Variants in COL14A1 observed in about 807,000 individuals in gnomAD.
COL14A1 encodes the protein collagen type XIV alpha 1 chain, also known as collagen alpha-1(XIV) chain.
A neutral mutation model predicts 230.3 loss-of-function variants in COL14A1; 136 were observed. That is an observed-to-expected ratio of 0.59 (90% CI 0.51 to 0.68). The LOEUF is 0.68. COL14A1 is among the 30% of genes least tolerant of loss of function. The probability of loss-of-function intolerance (pLI) is 0.00; values close to 1 mark genes in which losing one functional copy is unlikely to be tolerated. For missense variants in COL14A1, 1,976 were observed against 2,215.8 expected, an observed-to-expected ratio of 0.89 and a Z score of 2.17; for synonymous variants, 792 against 784.1, an observed-to-expected ratio of 1.01 and a Z score of -0.17.
chr8:120,258,471 T>G (rs1819225952), intron 23 of COL14A1, among the ~76,000 whole-genome samples: 3 of 152,248 alleles, frequency 2.0e-5, no homozygotes, highest in African/African-American at 7.2e-5. Flanking sequence ...TCCACCCCTG[T>G]ATCTGGTGGT....
chr8:120,364,660 A>G (rs574764656), intron 45 of COL14A1, among the ~76,000 whole-genome samples: 29 of 152,290 alleles, frequency 1.9e-4, no homozygotes, highest in African/African-American at 7.0e-4. Flanking sequence ...AGGTGGGCGG[A>G]TCATTTGAGG....
chr8:120,134,993 CA>C (rs1444924892), intron 1 of COL14A1, among the ~76,000 whole-genome samples: 5 of 151,952 alleles, frequency 3.3e-5, no homozygotes, highest in African/African-American at 1.2e-4. Flanking sequence ...AACAAACAAA[CA>C]AACAAAAAAC....
At chr8:120,160,822 A>G (rs1191880149) in intron 3 of COL14A1, among the ~76,000 whole-genome samples, 2 of 152,368 alleles carry the variant, frequency 1.3e-5, no homozygotes, top group South Asian at 4.1e-4. Context: ...AATAGCTATT[A>G]TATAGCTAAA....
chr8:120,267,676 A>G lies in COL14A1; in HGVS notation c.3073+793A>G, dbSNP rs1333807985. On this transcript the variant is annotated intron_variant, in intron 25 of 47. Transcript: ENST00000297848. ...GGTGTCAAGAGTGATCCAACTGCTT[A>G]ATGGATTTAGTGAACCATAAATGCT... Among the ~76,000 whole-genome samples, 10 of 151,928 alleles carry G rather than the reference A, an allele frequency of 6.6e-5. No homozygotes were observed. The Admixed American group carries it at 6.6e-4, about 10-fold the overall frequency.
intron 42 of COL14A1, among the ~76,000 whole-genome samples, chr8:120,335,882 G>A (rs1270223489): frequency 4.6e-5 from 7 of 152,176 alleles, no homozygotes; most frequent in Admixed American, 3.9e-4. Context: ...GTTCAGCCAG[G>A]TAGACAGGTC....
chr8:120,281,600 A>G (rs1171183042), intron 31 of COL14A1, among the ~76,000 whole-genome samples: 1 of 151,380 alleles, frequency 6.6e-6, no homozygotes, highest in Non-Finnish European at 1.5e-5. Flanking sequence ...CTTATATAGC[A>G]CTACTCCCAG....
At position 120,270,159 on chromosome 8, in the gene COL14A1, C is replaced by A; in HGVS notation, c.3198C>A (p.Gly1066=). The change falls in exon 26 of 48, where the codon GGC becomes GGA. Residue 1066 remains glycine (G), a synonymous_variant. Coordinates refer to ENST00000297848, the MANE Select transcript of COL14A1 (RefSeq NM_021110.4). ...CTGTTGGAGCCCTGAACAAGATTGGCACAGATGGAACCCAAGTAAGGCTAA... is the reference window on the plus strand; with the variant it reads ...CTGTTGGAGCCCTGAACAAGATTGGAACAGATGGAACCCAAGTAAGGCTAA... ...YSTVGALNKI[G]TDGTQVAMVQ... The A allele has an allele frequency of 6.2e-7, 1 of 1,610,470 alleles. No homozygotes were observed. Among genetic ancestry groups the A allele is most frequent in the Non-Finnish European group, 8.5e-7 (1 of 1,177,876 alleles).
At chr8:120,193,075 T>G (rs2130692814) in intron 5 of COL14A1, among the ~76,000 whole-genome samples, 1 of 152,362 alleles carries the variant, frequency 6.6e-6, no homozygotes, top group East Asian at 1.9e-4. Context: ...CCAGCTTTGT[T>G]CTGTTGCTGG....
chr8:120,301,305 T>A (rs1257248724), intron 36 of COL14A1, among the ~76,000 whole-genome samples: 2 of 152,156 alleles, frequency 1.3e-5, no homozygotes, highest in Non-Finnish European at 2.9e-5. Context: ...ATCACCCAAG[T>A]ACCAAGTCTA....
At chr8:120,300,022 A>G (rs1820661049) in intron 35 of COL14A1, among the ~76,000 whole-genome samples, 1 of 152,126 alleles carries the variant, frequency 6.6e-6, no homozygotes, top group Non-Finnish European at 1.5e-5. Flanking sequence ...ATATTTACAA[A>G]TTGTTCAATA....
At chr8:120,233,448 G>A (rs573683062) in intron 19 of COL14A1, among the ~76,000 whole-genome samples, 120 of 133,294 alleles carry the variant, frequency 9.0e-4, no homozygotes, top group Non-Finnish European at 1.6e-3. Context: ...TGAAACATGC[G>A]GTGTTTGGTT....
At chr8:120,147,551 G>A (rs1009685327) in intron 1 of COL14A1, among the ~76,000 whole-genome samples, 7 of 152,188 alleles carry the variant, frequency 4.6e-5, no homozygotes, top group African/African-American at 1.4e-4. Context: ...TGCAATTTAT[G>A]TCCATAGGGA....
At chr8:120,288,820 C>T (rs1023454857) in intron 33 of COL14A1, among the ~76,000 whole-genome samples, 3 of 152,126 alleles carry the variant, frequency 2.0e-5, no homozygotes, top group Admixed American at 2.0e-4. Context: ...GCTCATCAGT[C>T]TGCCAAAAAC....
intron 21 of COL14A1, among the ~76,000 whole-genome samples, chr8:120,249,091 T>TG (rs1431746709): frequency 2.8e-5 from 3 of 107,548 alleles, no homozygotes; most frequent in African/African-American, 1.2e-4. Flanking sequence ...CACGCCCGGC[T>TG]AATTTTTTTT....
intron 26 of COL14A1, among the ~76,000 whole-genome samples, chr8:120,270,515 GT>G (rs1819626816): frequency 1.3e-5 from 2 of 151,678 alleles, no homozygotes; most frequent in African/African-American, 4.8e-5. Context: ...AAAGGAAAAG[GT>G]TAAGGTCACA....
rs548594756 is a variant in COL14A1 at position 120,223,949 on chromosome 8, A to C, written c.1738-1139A>C. On this transcript the variant is annotated intron_variant, in intron 14 of 47. Transcript: ENST00000297848. ...TATGCAGCGCTGCAGCCCCGTGCCC[A>C]ACACCTCAGTGACAAAGCTGCATCT... 1.1e-3 allele frequency among the ~76,000 whole-genome samples: 164 copies of C among 151,244 alleles called. 2 individuals are homozygous for C. The highest frequency in any genetic ancestry group is 1.6e-3 in the Non-Finnish European group (111 of 67,886).
chr8:120,260,688 AG>A (rs1306998055), intron 23 of COL14A1, among the ~76,000 whole-genome samples: 4 of 152,114 alleles, frequency 2.6e-5, no homozygotes, highest in African/African-American at 9.7e-5. Context: ...CCTCTTAATC[AG>A]TTGTCCATTG....
At chr8:120,191,267 A>G (rs1816814493) in intron 5 of COL14A1, among the ~76,000 whole-genome samples, 1 of 149,820 alleles carries the variant, frequency 6.7e-6, no homozygotes, top group South Asian at 2.1e-4. Context: ...TTGGTTTCAA[A>G]GAACATCTTT....
chr8:120,370,934 T>A lies in COL14A1; in HGVS notation c.5312-218T>A, dbSNP rs181467673. 2.0e-4 allele frequency: 234 copies of A among 1,161,066 alleles called. 2 individuals carry two copies. In the East Asian group the frequency reaches 5.7e-3, roughly 28 times the overall value. The allele number at this position is 1,161,066 out of a possible 1,614,324, so 71.9% of individuals were successfully genotyped here. A position where few individuals can be genotyped will look rare whatever the true frequency, so the allele number is the denominator to read the frequency against. On this transcript the variant is annotated intron_variant, in intron 47 of 47. Coordinates refer to ENST00000297848, the MANE Select transcript of COL14A1 (RefSeq NM_021110.4). ...ATATTTAAATGGTTGGTTATGATTC[T>A]AGTTTTCTAACAATTTCTGTAATGT...
Sources: allele counts gnomAD v4.1 joint callset (sites outside exome capture counted in the v4.1 genomes callset), GRCh38; gene constraint gnomAD v4.1.1; transcripts MANE v1.5; gene names NCBI Gene and HGNC (gene_info 2026-07-23, HGNC 2026-07-21).